The following TENM3 variants were observed in gnomAD, a reference collection of about 807,000 sequenced individuals.
TENM3 encodes the protein teneurin-3.
A neutral mutation model predicts 255.1 loss-of-function variants in TENM3; 63 were observed. The observed-to-expected ratio is 0.25, with a 90% CI of 0.20 to 0.30. TENM3 has a LOEUF of 0.30. Among genes scored for constraint, TENM3 ranks in the 10% least tolerant of loss-of-function variants. The probability of loss-of-function intolerance (pLI) is 1.00; values close to 1 mark genes in which losing one functional copy is unlikely to be tolerated. For missense variants in TENM3, 2,929 were observed against 3,461.1 expected (o/e 0.85, Z 3.86); for synonymous variants, 1,306 against 1,322.3 (o/e 0.99, Z 0.27).
the TENM3 span, among the ~76,000 whole-genome samples, chr4:181,605,486 GAAAGAAAGAA>G: frequency 0.041 from 700 of 17,166 alleles, 43 homozygotes; most frequent in Admixed American, 0.056. Context: ...AACAGAGAAA[GAAAGAAAGAA>G]AGAAAGAAAG....
chr4:181,646,801 A>G, the TENM3 span, among the ~76,000 whole-genome samples: 1 of 152,126 alleles, frequency 6.6e-6, no homozygotes, highest in African/African-American at 2.4e-5. Flanking sequence ...AGTTTTTATA[A>G]TGCTTTATGA....
intron 3 of TENM3, among the ~76,000 whole-genome samples, chr4:182,420,426 A>G (rs903150152): frequency 5.3e-5 from 8 of 152,018 alleles, no homozygotes; most frequent in Non-Finnish European, 8.8e-5. Flanking sequence ...ACACACACGA[A>G]CTACACTGGT....
At chr4:181,560,134 CAAGG>C in the TENM3 span, among the ~76,000 whole-genome samples, 1 of 152,138 alleles carries the variant, frequency 6.6e-6, no homozygotes, top group Non-Finnish European at 1.5e-5. Context: ...CTGGGAAGTT[CAAGG>C]TTTAGGCACT....
chr4:182,518,144 A>G (rs2151761809), intron 3 of TENM3, among the ~76,000 whole-genome samples: 1 of 152,274 alleles, frequency 6.6e-6, no homozygotes, highest in South Asian at 2.1e-4. Context: ...ACCTCATAGT[A>G]ATAAAAGTCT....
At chr4:181,958,829 G>A in the TENM3 span, among the ~76,000 whole-genome samples, 1 of 152,094 alleles carries the variant, frequency 6.6e-6, no homozygotes, top group Admixed American at 6.5e-5. Context: ...TACATACTAC[G>A]ACACAGTGAA....
the TENM3 span, among the ~76,000 whole-genome samples, chr4:181,932,466 A>G: frequency 1.3e-5 from 2 of 152,256 alleles, no homozygotes; most frequent in Non-Finnish European, 2.9e-5. Context: ...ACAATGAGAT[A>G]CCATCTCACG....
At chr4:181,988,953 A>G in the TENM3 span, among the ~76,000 whole-genome samples, 5 of 152,152 alleles carry the variant, frequency 3.3e-5, no homozygotes, top group South Asian at 1.0e-3. Flanking sequence ...CCATTGCCCC[A>G]CGACCCCACT....
At chr4:182,622,301 C>T (rs1750362777) in intron 4 of TENM3, among the ~76,000 whole-genome samples, 1 of 150,592 alleles carries the variant, frequency 6.6e-6, no homozygotes, top group Admixed American at 6.6e-5. Context: ...GAGCCGAGAT[C>T]ACACCACTTC....
chr4:182,214,093 C>T (rs541755065), intron 1 of TENM3, among the ~76,000 whole-genome samples: 6 of 152,206 alleles, frequency 3.9e-5, no homozygotes, highest in South Asian at 4.1e-4. Flanking sequence ...TGAACCACCG[C>T]GCCTAGCCAG....
chr4:181,805,256 C>T, the TENM3 span, among the ~76,000 whole-genome samples: 1 of 152,044 alleles, frequency 6.6e-6, no homozygotes, highest in East Asian at 1.9e-4. Flanking sequence ...CACGCAAAAC[C>T]GTTACCACCA....
At chr4:182,562,184 A>G (rs1329609257) in intron 3 of TENM3, among the ~76,000 whole-genome samples, 1 of 152,202 alleles carries the variant, frequency 6.6e-6, no homozygotes. Flanking sequence ...AGAAACATAA[A>G]CATCTATTCT....
the TENM3 span, among the ~76,000 whole-genome samples, chr4:181,979,768 T>A: frequency 6.6e-6 from 1 of 152,192 alleles, no homozygotes; most frequent in Non-Finnish European, 1.5e-5. Flanking sequence ...AGAAGTCGAG[T>A]GACTTGCTCA....
chr4:181,496,513 A>G, the TENM3 span, among the ~76,000 whole-genome samples: 3 of 152,224 alleles, frequency 2.0e-5, no homozygotes, highest in African/African-American at 4.8e-5. Flanking sequence ...AATTATTTTA[A>G]CTGTTCCTTA....
chr4:182,733,532 T>C (rs1472167637), intron 16 of TENM3, among the ~76,000 whole-genome samples: 1 of 138,440 alleles, frequency 7.2e-6, no homozygotes, highest in Non-Finnish European at 1.7e-5. Context: ...GAAGCAGACA[T>C]GGAAGAGTGG....
At chr4:181,920,341 G>C in the TENM3 span, among the ~76,000 whole-genome samples, 2 of 151,714 alleles carry the variant, frequency 1.3e-5, no homozygotes, top group African/African-American at 4.8e-5. Context: ...CTAGTTTACA[G>C]TCCCACCAAC....
At chr4:181,516,231 C>T in the TENM3 span, among the ~76,000 whole-genome samples, 1 of 151,902 alleles carries the variant, frequency 6.6e-6, no homozygotes, top group Non-Finnish European at 1.5e-5. Context: ...GAGGGGAGAG[C>T]ATTAGGAAAA....
At chr4:181,599,114 C>G in the TENM3 span, among the ~76,000 whole-genome samples, 1 of 152,204 alleles carries the variant, frequency 6.6e-6, no homozygotes, top group South Asian at 2.1e-4. Flanking sequence ...GCAAAAATAT[C>G]GAGTTATCCC....
the TENM3 span, among the ~76,000 whole-genome samples, chr4:181,944,612 C>CT: frequency 0.19 from 28,968 of 152,026 alleles, 3,363 homozygotes; most frequent in African/African-American, 0.33. Flanking sequence ...GTTCTGCCCT[C>CT]TGACTAAAGC....
chr4:182,611,343 AATTTT>A (rs942326473), intron 4 of TENM3, among the ~76,000 whole-genome samples: 2 of 151,740 alleles, frequency 1.3e-5, no homozygotes, highest in Non-Finnish European at 2.9e-5. Flanking sequence ...AATTTTACAG[AATTTT>A]ATTTTATTTC....
Sources: gnomAD v4.1 joint callset for allele counts (sites outside exome capture counted in the v4.1 genomes callset) on GRCh38, gnomAD v4.1.1 for gene constraint, MANE v1.5 for transcripts, NCBI Gene and HGNC (gene_info 2026-07-23, HGNC 2026-07-21) for gene names.